The following EXPH5 variants were observed in gnomAD, a reference collection of about 807,000 sequenced individuals.
EXPH5 encodes the protein exophilin 5, also known as exophilin-5.
EXPH5 carries 42 observed loss-of-function variants against 41.1 expected under a neutral mutation model. That is an observed-to-expected ratio of 1.02 (90% CI 0.80 to 1.32). The LOEUF (loss-of-function observed/expected upper bound fraction) is 1.32. Among genes scored for constraint, EXPH5 ranks in the 40% most tolerant of loss-of-function variants. The pLI is 0.00. For synonymous variants in EXPH5, 798 were observed against 833.5 expected, an observed-to-expected ratio of 0.96 and a Z score of 0.73; for missense variants, 2,298 against 2,314.5, an observed-to-expected ratio of 0.99 and a Z score of 0.15.
Position 108,593,477 on chromosome 11 carries a change from C to A in EXPH5, c.60G>T (p.Lys20Asn). Residue 20 changes from lysine (K) to asparagine (N), a missense_variant, in exon 1 of 6, where the codon AAG becomes AAT. Lys to Asn is a moderately conservative substitution (Grantham distance 94, BLOSUM62 0). Coordinates refer to ENST00000265843, the MANE Select transcript of EXPH5 (RefSeq NM_015065.3). ...CATTCCTTTCCAGCACCTGAAGGAT[C>A]TTCCTGGCCTCTTCGTCATTTAAGA... ...FSFLNDEEAR[K>N]ILQVLERNEE... 1 of 1,614,228 alleles carries A rather than the reference C, an allele frequency of 6.2e-7. No homozygotes were observed.
Position 108,508,171 on chromosome 11 carries a change from C to T in EXPH5, c.*1366G>A, listed in dbSNP as rs1374729016. The T allele has an allele frequency of 1.3e-5, 2 of 151,480 alleles. No individual in the cohort carries two copies. The highest frequency in any genetic ancestry group is 2.1e-4 in the South Asian group (1 of 4,770). 9.4% of individuals were successfully genotyped at this position (151,480 alleles called of 1,614,324 possible). A position where few individuals can be genotyped will look rare whatever the true frequency, so the allele number is the denominator to read the frequency against. On this transcript the variant is annotated 3_prime_UTR_variant, in exon 6 of 6. Transcript: ENST00000265843. Reference sequence around the variant, plus strand: ...TCTAGCCTGAGCAACAAGAACAAGACTCCACCTCAAAACAAAAACAAAAAC... The same window carrying T: ...TCTAGCCTGAGCAACAAGAACAAGATTCCACCTCAAAACAAAAACAAAAAC...
At chr11:108,583,696 A>C (rs2094105444) in intron 1 of EXPH5, among the ~76,000 whole-genome samples, 1 of 152,030 alleles carries the variant, frequency 6.6e-6, no homozygotes, top group South Asian at 2.1e-4. Context: ...TAAAAAAGTC[A>C]TCTACAAAAA....
chr11:108,565,380 C>G (rs777801483), intron 1 of EXPH5, among the ~76,000 whole-genome samples: 39 of 152,298 alleles, frequency 2.6e-4, no homozygotes, highest in Non-Finnish European at 4.6e-4. Flanking sequence ...TTCACACTAA[C>G]TGGGGACTCA....
rs766252157 is a variant in EXPH5, at chr11:108,513,808, G to A, written c.1699C>T (p.His567Tyr). Residue 567 changes from histidine to tyrosine, a missense_variant, in exon 6 of 6, where the codon CAT becomes TAT. Coordinates refer to ENST00000265843, the MANE Select transcript of EXPH5 (RefSeq NM_015065.3). The stretch of plus-strand genomic sequence containing the variant: ...GGAGTCAACTGGGTCTCATTACCAT[G>A]TGATACCACCATGCTATCCAGTGTG... ...RSTLDSMVVS[H>Y]GNETQLTPHF... 1.1e-5 allele frequency: 18 copies of A among 1,601,816 alleles called. No homozygotes were observed. The highest frequency in any genetic ancestry group is 1.4e-5 in the Non-Finnish European group (16 of 1,175,308).
chr11:108,528,695 CTTT>C (rs58500316), intron 3 of EXPH5, among the ~76,000 whole-genome samples: 1 of 106,322 alleles, frequency 9.4e-6, no homozygotes, highest in Non-Finnish European at 1.9e-5. Context: ...TTTTCTTTCC[CTTT>C]TTTTTTTTTT....
In EXPH5 at chr11:108,510,607, G is replaced by C. The variant is rs755268238; in HGVS notation, c.4900C>G (p.Leu1634Val). Residue 1634 changes from leucine (L) to valine (V), a missense_variant, in exon 6 of 6, where the codon CTT (leucine) becomes GTT (valine). Leu to Val is a conservative substitution (Grantham distance 32, BLOSUM62 1). Coordinates refer to ENST00000265843, the MANE Select transcript of EXPH5 (RefSeq NM_015065.3). The part of the protein sequence containing the change: ...GSRSGFDHLS[L>V]GTVECNPLFP... ...AGTGGGTTGCACTCCACTGTGCCAA[G>C]AGATAAATGGTCAAAGCCAGATCTG... 14 of 1,613,998 alleles carry C rather than the reference G, an allele frequency of 8.7e-6. No homozygotes were observed. In the East Asian group the frequency reaches 2.9e-4, roughly 33 times the overall value.
At chr11:108,542,049 T>G (rs1304418463) in intron 1 of EXPH5, among the ~76,000 whole-genome samples, 1 of 152,128 alleles carries the variant, frequency 6.6e-6, no homozygotes. Context: ...AGCTAATTTT[T>G]TTCTATTTTT....
chr11:108,531,334 G>GT (rs772242436), intron 3 of EXPH5, among the ~76,000 whole-genome samples: 16 of 152,226 alleles, frequency 1.1e-4, no homozygotes, highest in Admixed American at 2.0e-4. Flanking sequence ...GCTCACGCCT[G>GT]TAATCCCAGC....
chr11:108,594,170 A>G (rs916708594), upstream of EXPH5, among the ~76,000 whole-genome samples: 2 of 152,240 alleles, frequency 1.3e-5, no homozygotes, highest in African/African-American at 4.8e-5. Context: ...AAACTCAATT[A>G]CACTACTGAC....
chr11:108,577,988 T>A (rs907719515), intron 1 of EXPH5, among the ~76,000 whole-genome samples: 5 of 152,302 alleles, frequency 3.3e-5, no homozygotes, highest in Middle Eastern at 3.4e-3. Flanking sequence ...ATTCTGTAGG[T>A]TGTCTCTTCA....
upstream of EXPH5, among the ~76,000 whole-genome samples, chr11:108,594,387 G>A (rs541879317): frequency 7.7e-4 from 117 of 152,258 alleles, no homozygotes; most frequent in African/African-American, 2.7e-3. Flanking sequence ...GAAAACACCT[G>A]TTAGAAGTTT....
Position 108,506,303 on chromosome 11 carries a change from T to C in EXPH5, c.*3234A>G, listed in dbSNP as rs1428551743. ...TTCTTTAACAAGTGCTTTATAAAAG[T>C]ATAAAATTATAAAAGGTGCTATTTT... On this transcript the variant is annotated 3_prime_UTR_variant, in exon 6 of 6. Transcript: ENST00000265843. The C allele has an allele frequency of 1.3e-5, 2 of 152,228 alleles. No homozygotes were observed. Among genetic ancestry groups the C allele is most frequent in the Non-Finnish European group, 2.9e-5 (2 of 68,038 alleles). The allele number at this position is 152,228 out of a possible 1,614,324, so 9.4% of individuals were successfully genotyped here. A position where few individuals can be genotyped will look rare whatever the true frequency, so the allele number is the denominator to read the frequency against.
At chr11:108,530,785 G>A (rs536171314) in intron 3 of EXPH5, among the ~76,000 whole-genome samples, 1 of 152,190 alleles carries the variant, frequency 6.6e-6, no homozygotes, top group African/African-American at 2.4e-5. Flanking sequence ...CAGCTGGGAT[G>A]CTACCACCAA....
the EXPH5 span, among the ~76,000 whole-genome samples, chr11:108,605,191 C>A: frequency 1.3e-5 from 2 of 152,152 alleles, no homozygotes; most frequent in African/African-American, 2.4e-5. Context: ...AAGGTGGAGA[C>A]CCTTTCCCTG....
At chr11:108,535,704 C>T (rs556695118) in intron 3 of EXPH5, among the ~76,000 whole-genome samples, 2 of 152,186 alleles carry the variant, frequency 1.3e-5, no homozygotes, top group Non-Finnish European at 2.9e-5. Context: ...GCTGGACTGT[C>T]TGAGCCGTGT....
rs1310717324 is a variant in EXPH5 at position 108,509,527 on chromosome 11, T to C, written c.*10A>G. The C allele has an allele frequency of 6.5e-7, 1 of 1,532,464 alleles. No homozygotes were observed. Among genetic ancestry groups the C allele is most frequent in the Admixed American group, 2.3e-5 (1 of 44,442 alleles). 94.9% of individuals were successfully genotyped at this position (1,532,464 alleles called of 1,614,324 possible). On this transcript the variant is annotated 3_prime_UTR_variant, in exon 6 of 6. Coordinates refer to ENST00000265843, the MANE Select transcript of EXPH5 (RefSeq NM_015065.3). ...TGGTGAAAAAAGTAAAGCATTTTAT[T>C]GAAAAAGCCTCACAGTTCTGACTCT...
At chr11:108,538,881 G>A in intron 3 of EXPH5, 143 bp downstream of exon 3, 1 of 702,248 alleles carries the variant, frequency 1.4e-6, no homozygotes, top group Admixed American at 3.2e-5. Flanking sequence ...CACTATGCAA[G>A]TTAAGTCCCA....
At chr11:108,559,178 T>A (rs2094001799) in intron 1 of EXPH5, among the ~76,000 whole-genome samples, 1 of 152,184 alleles carries the variant, frequency 6.6e-6, no homozygotes, top group South Asian at 2.1e-4. Flanking sequence ...GCTCCCCAAG[T>A]CAAGTGTCGA....
intron 4 of EXPH5, among the ~76,000 whole-genome samples, chr11:108,520,920 C>T (rs958943102): frequency 2.0e-4 from 31 of 152,172 alleles, no homozygotes; most frequent in Admixed American, 1.2e-3. Context: ...TTCATAAAAT[C>T]TAATCACTGC....
Sources: gnomAD v4.1 joint callset for allele counts (sites outside exome capture counted in the v4.1 genomes callset) on GRCh38, gnomAD v4.1.1 for gene constraint, MANE v1.5 for transcripts, NCBI Gene and HGNC (gene_info 2026-07-23, HGNC 2026-07-21) for gene names.